The following SCARA5 variants were observed in gnomAD, a reference collection of about 807,000 sequenced individuals.
SCARA5 encodes scavenger receptor class A member 5, also known as scavenger receptor class A, member 5 (putative).
Under a neutral mutation model 46.3 loss-of-function variants are expected in SCARA5, and 45 were observed. The ratio of observed to expected loss-of-function variants is 0.97; its 90% confidence interval spans 0.76 to 1.24. SCARA5 has a LOEUF of 1.24. SCARA5 is among the 50% of genes most tolerant of loss of function. The pLI is 0.00. For missense variants in SCARA5, 680 were observed against 689.0 expected, an observed-to-expected ratio of 0.99 and a Z score of 0.15; for synonymous variants, 333 against 306.5, an observed-to-expected ratio of 1.09 and a Z score of -0.90.
chr8:27,946,215 A>T (rs1329417489), intron 3 of SCARA5, among the ~76,000 whole-genome samples: 1 of 152,260 alleles, frequency 6.6e-6, no homozygotes, highest in Non-Finnish European at 1.5e-5. Context: ...TAAAAATGAC[A>T]ACCATGAAGT....
intron 8 of SCARA5, among the ~76,000 whole-genome samples, chr8:27,875,933 C>T (rs1184105184): frequency 2.6e-5 from 4 of 152,038 alleles, no homozygotes; most frequent in Non-Finnish European, 2.9e-5. Context: ...CCTGGGAGGT[C>T]GAGGCTGCAG....
chr8:27,951,344 A>G (rs1202102222), intron 3 of SCARA5, among the ~76,000 whole-genome samples: 1 of 152,196 alleles, frequency 6.6e-6, no homozygotes, highest in Non-Finnish European at 1.5e-5. Context: ...CAAGGTCCAA[A>G]AACTGATCGG....
chr8:27,915,329 T>G (rs2685332), intron 4 of SCARA5, among the ~76,000 whole-genome samples: 78,003 of 151,660 alleles, frequency 0.51, 20,607 homozygotes, highest in Non-Finnish European at 0.58. Context: ...GAGCCCCCAA[T>G]GGAGGGTGGT....
chr8:27,893,675 T>C (rs1050127496), intron 7 of SCARA5, among the ~76,000 whole-genome samples: 9 of 152,180 alleles, frequency 5.9e-5, no homozygotes, highest in Non-Finnish European at 1.3e-4. Context: ...GGGAATGCAT[T>C]ACAGGATTTT....
chr8:27,919,328 C>A (rs1807544864), intron 4 of SCARA5, among the ~76,000 whole-genome samples: 1 of 151,118 alleles, frequency 6.6e-6, no homozygotes, highest in Non-Finnish European at 1.5e-5. Context: ...CTCTGGAGCA[C>A]AGCTGTCAGT....
At chr8:27,955,513 T>C (rs1349460499) in intron 3 of SCARA5, among the ~76,000 whole-genome samples, 1 of 152,160 alleles carries the variant, frequency 6.6e-6, no homozygotes, top group Non-Finnish European at 1.5e-5. Context: ...GCTGGAAGCA[T>C]GGGGTGAAGC....
At chr8:27,928,000 C>T (rs1177613714) in intron 3 of SCARA5, among the ~76,000 whole-genome samples, 2 of 152,096 alleles carry the variant, frequency 1.3e-5, no homozygotes, top group African/African-American at 2.4e-5. Context: ...CTTCAGGTAC[C>T]GGGGCTAATC....
intron 3 of SCARA5, among the ~76,000 whole-genome samples, chr8:27,926,024 C>T (rs532955549): frequency 2.0e-5 from 3 of 152,244 alleles, no homozygotes; most frequent in East Asian, 3.9e-4. Flanking sequence ...GTTCAACCAT[C>T]GTGGAAGACA....
chr8:27,916,241 G>A (rs1807458159), intron 4 of SCARA5, among the ~76,000 whole-genome samples: 1 of 152,232 alleles, frequency 6.6e-6, no homozygotes, highest in South Asian at 2.1e-4. Flanking sequence ...ACACATAGTT[G>A]AGTATTTGTG....
At chr8:27,959,939 C>G (rs1808269255) in intron 3 of SCARA5, among the ~76,000 whole-genome samples, 2 of 152,166 alleles carry the variant, frequency 1.3e-5, no homozygotes, top group South Asian at 4.1e-4. Context: ...TGTTTCTTGG[C>G]TTACTGAGCC....
rs112110680 is a variant in SCARA5, at chr8:27,892,654, G to A, written c.1153+12124C>T. Among the ~76,000 whole-genome samples the A allele has an allele frequency of 4.6e-3, 650 of 140,394 alleles. 7 individuals are homozygous for A. The highest frequency in any genetic ancestry group is 0.017 in the African/African-American group (639 of 37,410). 92.1% of individuals were successfully genotyped at this position (140,394 alleles called of 152,430 possible). A position where few individuals can be genotyped will look rare whatever the true frequency, so the allele number is the denominator to read the frequency against. On this transcript the variant is annotated intron_variant, in intron 7 of 8. Transcript: ENST00000354914. ...AGACGGAGTCAAGCTCTGTTGCCCAGGCTGGAGTGCAGTGGTGCGATCTTG... is the reference window on the plus strand; with the variant it reads ...AGACGGAGTCAAGCTCTGTTGCCCAAGCTGGAGTGCAGTGGTGCGATCTTG...
At chr8:27,975,905 C>A (rs1251068603) in intron 2 of SCARA5, among the ~76,000 whole-genome samples, 1 of 152,136 alleles carries the variant, frequency 6.6e-6, no homozygotes, top group Non-Finnish European at 1.5e-5. Flanking sequence ...ACAGCCAGGG[C>A]TAATTCCATG....
chr8:27,973,951 A>AC (rs1489659386), intron 2 of SCARA5, among the ~76,000 whole-genome samples: 1 of 152,180 alleles, frequency 6.6e-6, no homozygotes, highest in Admixed American at 6.5e-5. Context: ...GAGCAAGAAT[A>AC]CCCCAAAGAG....
intron 4 of SCARA5, among the ~76,000 whole-genome samples, chr8:27,920,639 A>G (rs1444408614): frequency 6.6e-6 from 1 of 151,232 alleles, no homozygotes; most frequent in Non-Finnish European, 1.5e-5. Flanking sequence ...AAACAAAACA[A>G]AACAAAAAAA....
intron 1 of SCARA5, among the ~76,000 whole-genome samples, chr8:27,989,892 G>A (rs567263325): frequency 4.6e-5 from 7 of 152,360 alleles, no homozygotes; most frequent in South Asian, 2.1e-4. Context: ...CACTGTGTGC[G>A]GCAGCCCTCC....
In SCARA5 at chr8:27,870,752, C is replaced by T. The variant is rs576171485; in HGVS notation, c.*1182G>A. ...CAAGGCCCCTTATTCCTACTCCCCACCCCCAGAGGTTATAGGGAATCTTCA... is the reference window on the plus strand; with the variant it reads ...CAAGGCCCCTTATTCCTACTCCCCATCCCCAGAGGTTATAGGGAATCTTCA... On this transcript the variant is annotated 3_prime_UTR_variant, in exon 9 of 9. Transcript: ENST00000354914. The T allele has an allele frequency of 6.6e-6, 1 of 152,334 alleles. No individual in the cohort carries two copies. The highest frequency in any genetic ancestry group is 6.5e-5 in the Admixed American group (1 of 15,302). 9.4% of individuals were successfully genotyped at this position (152,334 alleles called of 1,614,324 possible). A position where few individuals can be genotyped will look rare whatever the true frequency, so the allele number is the denominator to read the frequency against.
chr8:27,875,780 T>A (rs17058050), intron 8 of SCARA5, among the ~76,000 whole-genome samples: 1,978 of 152,134 alleles, frequency 0.013, 98 homozygotes, highest in East Asian at 0.13. Flanking sequence ...TTTAGAAAGA[T>A]CCCTAACAGT....
intron 3 of SCARA5, among the ~76,000 whole-genome samples, chr8:27,960,728 T>C (rs1369944193): frequency 6.6e-6 from 1 of 152,260 alleles, no homozygotes; most frequent in East Asian, 1.9e-4. Context: ...CCCAGAATGC[T>C]CGAAAGACAC....
rs748583777 is a variant in SCARA5, at chr8:27,966,554, G to A, written c.113-12C>T. 3 of 1,589,388 alleles carry A rather than the reference G, an allele frequency of 1.9e-6. No homozygotes were observed. Among genetic ancestry groups the A allele is most frequent in the Non-Finnish European group, 8.5e-7 (1 of 1,172,136 alleles). On this transcript the variant is annotated splice_polypyrimidine_tract_variant and intron_variant, in intron 2 of 8. Transcript: ENST00000354914. ...TTTGTGACATGGACCTGGACAATAA[G>A]GGTAAGAGGAGGAAGGAAAGAAGAC...
Sources: gnomAD v4.1 joint callset for allele counts (sites outside exome capture counted in the v4.1 genomes callset) on GRCh38, gnomAD v4.1.1 for gene constraint, MANE v1.5 for transcripts, NCBI Gene and HGNC (gene_info 2026-07-23, HGNC 2026-07-21) for gene names.